RASA2: variants seen among roughly 807,000 people sequenced by gnomAD.
The protein encoded by RASA2 is ras GTPase-activating protein 2.
A neutral mutation model predicts 118.2 loss-of-function variants in RASA2; 155 were observed. The observed-to-expected ratio is 1.31, with a 90% CI of 1.15 to 1.50. RASA2 has a LOEUF of 1.50. RASA2 is among the 40% of genes most tolerant of loss of function. The probability of loss-of-function intolerance (pLI) is 0.00; values close to 1 mark genes in which losing one functional copy is unlikely to be tolerated. For synonymous variants in RASA2, 353 were observed against 349.1 expected, an observed-to-expected ratio of 1.01 and a Z score of -0.12; for missense variants, 1,016 against 1,009.6, an observed-to-expected ratio of 1.01 and a Z score of -0.09.
Position 141,495,154 on chromosome 3 carries a change from GT to G in RASA2, c.133+7939del, listed in dbSNP as rs1166919171. Among the ~76,000 whole-genome samples the G allele has an allele frequency of 4.6e-5, 7 of 152,284 alleles. No homozygotes were observed. The East Asian group carries it at 1.2e-3, about 25-fold the overall frequency. On this transcript the variant is annotated intron_variant, in intron 1 of 23. Coordinates refer to ENST00000286364, the MANE Select transcript of RASA2 (RefSeq NM_006506.5). Reference sequence around the variant, plus strand: ...GGCACTGTTTTAAAGCACTTTATGCGTATTAACTAATTTAATCCTTACAGTA... The same window carrying G: ...GGCACTGTTTTAAAGCACTTTATGCGATTAACTAATTTAATCCTTACAGTA...
chr3:141,588,944 C>T (rs370825902), intron 19 of RASA2, among the ~76,000 whole-genome samples: 4 of 151,984 alleles, frequency 2.6e-5, no homozygotes, highest in South Asian at 2.1e-4. Flanking sequence ...CGGATTCAAG[C>T]GATTGTCCTG....
chr3:141,609,613 C>T, intron 22 of RASA2, 90 bp downstream of exon 22: 1 of 1,037,134 alleles, frequency 9.6e-7, no homozygotes, highest in Non-Finnish European at 1.4e-6. Context: ...GTTGAAAATA[C>T]TCATAGATTT....
chr3:141,564,691 T>TA (rs889049826), intron 9 of RASA2, among the ~76,000 whole-genome samples: 2 of 152,038 alleles, frequency 1.3e-5, no homozygotes, highest in Non-Finnish European at 1.5e-5. Context: ...TACCAACAGG[T>TA]AAAAAAATAC....
In RASA2 at chr3:141,608,250, G is replaced by A. The variant is rs534055246; in HGVS notation, c.2017-239G>A. 2.0e-5 allele frequency among the ~76,000 whole-genome samples: 3 copies of A among 151,664 alleles called. No individual in the cohort carries two copies. The South Asian group carries it at 6.2e-4, about 32-fold the overall frequency. The stretch of plus-strand genomic sequence containing the variant: ...TCCCTTTATTCTTATCTATATGATA[G>A]TCCATTCCTTTGGATATGTGTGGCT... On this transcript the variant is annotated intron_variant, in intron 20 of 23. Transcript: ENST00000286364.
intron 1 of RASA2, among the ~76,000 whole-genome samples, chr3:141,488,438 A>G (rs1057046973): frequency 6.6e-6 from 1 of 152,152 alleles, no homozygotes; most frequent in Admixed American, 6.5e-5. Context: ...TAATACCAGT[A>G]CTGTTGAGCT....
chr3:141,562,142 G>A (rs1041637980), intron 9 of RASA2, among the ~76,000 whole-genome samples: 11 of 151,502 alleles, frequency 7.3e-5, no homozygotes, highest in African/African-American at 2.2e-4. Context: ...TAGTAGAGAC[G>A]GGGTTTTAAC....
At chr3:141,545,971 C>T (rs1017528941) in intron 5 of RASA2, among the ~76,000 whole-genome samples, 1 of 152,144 alleles carries the variant, frequency 6.6e-6, no homozygotes, top group African/African-American at 2.4e-5. Context: ...CTTTCTGTGC[C>T]TGGTTTATTT....
intron 17 of RASA2, among the ~76,000 whole-genome samples, chr3:141,582,555 G>A (rs1477928578): frequency 6.6e-6 from 1 of 152,126 alleles, no homozygotes; most frequent in African/African-American, 2.4e-5. Context: ...GATAATGTCA[G>A]TGGAGAAAGG....
At chr3:141,607,542 C>A in intron 19 of RASA2, 136 bp from the exon 20 acceptor site, 1 of 832,628 alleles carries the variant, frequency 1.2e-6, no homozygotes. Context: ...ATATATATGC[C>A]ATTTGTAAGT....
chr3:141,508,569 A>C (rs2081903938), intron 1 of RASA2, among the ~76,000 whole-genome samples: 1 of 151,918 alleles, frequency 6.6e-6, no homozygotes. Context: ...AGTAGAGATG[A>C]GATCTCACCA....
chr3:141,611,462 A>G (rs1220751238), intron 23 of RASA2, among the ~76,000 whole-genome samples: 1 of 152,204 alleles, frequency 6.6e-6, no homozygotes, highest in Non-Finnish European at 1.5e-5. Flanking sequence ...AAAGAAGTGG[A>G]TAGGGCGGGG....
chr3:141,528,204 T>G (rs2082210082), intron 3 of RASA2, among the ~76,000 whole-genome samples: 1 of 151,988 alleles, frequency 6.6e-6, no homozygotes, highest in African/African-American at 2.4e-5. Flanking sequence ...AATACAGCTG[T>G]GTACTTTACT....
At chr3:141,546,398 A>G (rs979684318) in intron 5 of RASA2, among the ~76,000 whole-genome samples, 5 of 152,232 alleles carry the variant, frequency 3.3e-5, no homozygotes, top group African/African-American at 1.2e-4. Flanking sequence ...GAGAAAAATT[A>G]TAATTTCATT....
At chr3:141,608,772 A>G in intron 21 of RASA2, 75 bp downstream of exon 21, 1 of 1,435,980 alleles carries the variant, frequency 7.0e-7, no homozygotes, top group South Asian at 1.2e-5. Context: ...TTATTTGTCC[A>G]TGAAAAGGAA....
At chr3:141,545,219 C>T (rs539721860) in intron 5 of RASA2, among the ~76,000 whole-genome samples, 1 of 152,248 alleles carries the variant, frequency 6.6e-6, no homozygotes, top group East Asian at 1.9e-4. Context: ...ACAATCATGT[C>T]ATCTTGGTGT....
chr3:141,487,277 G>A, intron 1 of RASA2, 61 bp downstream of exon 1: 9 of 1,228,626 alleles, frequency 7.3e-6, no homozygotes, highest in Non-Finnish European at 6.1e-6. Flanking sequence ...CTGAGGGGGC[G>A]GCGGGTTCGC....
chr3:141,573,946 G>A lies in RASA2; in HGVS notation c.1362G>A (p.Glu454=). 2 of 1,577,032 alleles carry A rather than the reference G, an allele frequency of 1.3e-6. No individual in the cohort carries two copies. Among genetic ancestry groups the A allele is most frequent in the Non-Finnish European group, 1.7e-6 (2 of 1,159,688 alleles). ...GTTTACCTTTTTAAATCCTGCAGGA[G>A]AATCTGCGCTACTATGTAGACAAGT... is the stretch of plus-strand genomic sequence containing the variant. The part of the protein sequence containing the change: ...KEGDNVENNK[E]NLRYYVDKLF... Residue 454 remains glutamate (E), a splice_region_variant and synonymous_variant, in exon 14 of 24, where the codon GAG becomes GAA. Transcript: ENST00000286364.
intron 15 of RASA2, chr3:141,578,576 C>T (rs1465668127): frequency 6.6e-6 from 1 of 152,168 alleles, no homozygotes; most frequent in East Asian, 1.9e-4. Flanking sequence ...AGCACCACGC[C>T]CTTTCTTGCC....
intron 5 of RASA2, among the ~76,000 whole-genome samples, chr3:141,543,088 G>A (rs2082429493): frequency 6.6e-6 from 1 of 151,338 alleles, no homozygotes; most frequent in Non-Finnish European, 1.5e-5. Flanking sequence ...TTTTCTGTTT[G>A]TCTCCTATTT....
Sources: allele counts gnomAD v4.1 joint callset (sites outside exome capture counted in the v4.1 genomes callset), GRCh38; gene constraint gnomAD v4.1.1; transcripts MANE v1.5; gene names NCBI Gene and HGNC (gene_info 2026-07-23, HGNC 2026-07-21).